EPHA5: variants seen among roughly 807,000 people sequenced by gnomAD.
EPHA5 encodes EPH receptor A5.
In EPHA5, 60 loss-of-function variants were observed where a neutral mutation model predicts 105.0. The ratio of observed to expected loss-of-function variants is 0.57; its 90% CI spans 0.46 to 0.71. EPHA5 has a LOEUF of 0.71. Ranked by LOEUF, EPHA5 falls within the 30% of genes least tolerant of loss-of-function variation. The pLI, the probability that EPHA5 is intolerant of heterozygous loss-of-function variation, is 0.00. For missense variants in EPHA5, 1,218 were observed against 1,274.7 expected (o/e 0.96, Z 0.68); for synonymous variants, 513 against 449.1 (o/e 1.14, Z -1.80).
intron 3 of EPHA5, among the ~76,000 whole-genome samples, chr4:65,539,173 G>A (rs993925637): frequency 4.6e-5 from 7 of 151,512 alleles, no homozygotes; most frequent in East Asian, 3.9e-4. Context: ...AAAAGTTTCC[G>A]AAAACAAACT....
At chr4:65,563,148 G>A (rs1476268217) in intron 3 of EPHA5, among the ~76,000 whole-genome samples, 1 of 151,102 alleles carries the variant, frequency 6.6e-6, no homozygotes, top group Admixed American at 6.6e-5. Flanking sequence ...TATTGTTTTA[G>A]CCATACATAG....
chr4:65,321,484 C>T lies in EPHA5; in HGVS notation c.*2630G>A. On this transcript the variant is annotated 3_prime_UTR_variant, in exon 17 of 17. Transcript: ENST00000613740. ...CAAATATTTTAGGAAGGCATTCTTTCCTCTTTTTTAGGGAGAGTACTTGTT... is the reference window on the plus strand; with the variant it reads ...CAAATATTTTAGGAAGGCATTCTTTTCTCTTTTTTAGGGAGAGTACTTGTT... The T allele has an allele frequency of 4.4e-6, 1 of 229,430 alleles. No individual in the cohort carries two copies. Among genetic ancestry groups the T allele is most frequent in the Non-Finnish European group, 8.7e-6 (1 of 115,602 alleles). The allele number at this position is 229,430 out of a possible 1,614,324, so 14.2% of individuals were successfully genotyped here. A position where few individuals can be genotyped will look rare whatever the true frequency, so the allele number is the denominator to read the frequency against.
At chr4:65,542,105 C>T (rs572199265) in intron 3 of EPHA5, among the ~76,000 whole-genome samples, 77 of 151,778 alleles carry the variant, frequency 5.1e-4, no homozygotes, top group South Asian at 1.9e-3. Flanking sequence ...GGGAAATTTA[C>T]AGCACTAAAA....
At position 65,323,820 on chromosome 4, in the gene EPHA5, T is replaced by A. The variant is rs1430847808; in HGVS notation, c.*294A>T. ...GTGCTATATAATTATATATTTCATGTACAAAATTTTGTAGAAGTAGTGGGA... is the reference window on the plus strand; with the variant it reads ...GTGCTATATAATTATATATTTCATGAACAAAATTTTGTAGAAGTAGTGGGA... On this transcript the variant is annotated 3_prime_UTR_variant, in exon 17 of 17. Transcript: ENST00000613740. The A allele has an allele frequency of 3.8e-6, 1 of 260,350 alleles. No homozygotes were observed. Among genetic ancestry groups the A allele is most frequent in the Non-Finnish European group, 7.4e-6 (1 of 135,418 alleles). 16.1% of individuals were successfully genotyped at this position (260,350 alleles called of 1,614,324 possible). A position where few individuals can be genotyped will look rare whatever the true frequency, so the allele number is the denominator to read the frequency against.
intron 3 of EPHA5, among the ~76,000 whole-genome samples, chr4:65,526,563 G>A (rs1028916064): frequency 6.6e-6 from 1 of 151,806 alleles, no homozygotes; most frequent in African/African-American, 2.4e-5. Context: ...ATATTAGGGT[G>A]TAAAATAAGA....
intron 2 of EPHA5, among the ~76,000 whole-genome samples, chr4:65,603,750 A>G (rs1213948513): frequency 6.6e-6 from 1 of 152,132 alleles, no homozygotes; most frequent in Admixed American, 6.6e-5. Context: ...ATATGTTATT[A>G]CCTAAAGCCT....
In EPHA5 at chr4:65,430,407, G is replaced by T. The variant is rs909427262; in HGVS notation, c.1403-9842C>A. The stretch of plus-strand genomic sequence containing the variant: ...TTAGAAAGAATTAAGTCCAAATTTT[G>T]CTTTGAGAATTGTTTAACAAATATT... On this transcript the variant is annotated intron_variant, in intron 5 of 16. Transcript: ENST00000613740. 3.3e-5 allele frequency among the ~76,000 whole-genome samples: 5 copies of T among 151,514 alleles called. No homozygotes were observed. In the South Asian group the frequency reaches 1.0e-3, roughly 31 times the overall value.
intron 5 of EPHA5, among the ~76,000 whole-genome samples, chr4:65,483,356 A>T (rs1177329165): frequency 2.0e-5 from 3 of 152,188 alleles, no homozygotes; most frequent in Non-Finnish European, 4.4e-5. Flanking sequence ...CATGACTTAC[A>T]ATCCTTTGGG....
intron 7 of EPHA5, among the ~76,000 whole-genome samples, chr4:65,411,719 T>C (rs1722927099): frequency 6.6e-6 from 1 of 152,160 alleles, no homozygotes; most frequent in South Asian, 2.1e-4. Context: ...ATAATTAATG[T>C]GGATTTCAGA....
chr4:65,583,644 G>A (rs1170791234), intron 3 of EPHA5, among the ~76,000 whole-genome samples: 2 of 151,700 alleles, frequency 1.3e-5, no homozygotes, highest in African/African-American at 4.8e-5. Flanking sequence ...TTGTACTCCA[G>A]GAAGATATTA....
chr4:65,362,215 C>T (rs1175119077), intron 11 of EPHA5, among the ~76,000 whole-genome samples: 1 of 146,434 alleles, frequency 6.8e-6, no homozygotes, highest in Non-Finnish European at 1.5e-5. Context: ...CACGATGACA[C>T]CACCCATAGG....
At chr4:65,366,262 G>T (rs188861234) in intron 9 of EPHA5, among the ~76,000 whole-genome samples, 1 of 151,816 alleles carries the variant, frequency 6.6e-6, no homozygotes, top group East Asian at 1.9e-4. Flanking sequence ...CACAAGAAAT[G>T]CATATGTGAT....
At chr4:65,503,029 A>G (rs190118700) in intron 3 of EPHA5, among the ~76,000 whole-genome samples, 3 of 151,708 alleles carry the variant, frequency 2.0e-5, no homozygotes, top group African/African-American at 4.8e-5. Context: ...AACCAAATAC[A>G]ACATATTCTC....
intron 3 of EPHA5, among the ~76,000 whole-genome samples, chr4:65,553,563 T>C (rs1156464326): frequency 1.3e-5 from 2 of 152,076 alleles, no homozygotes; most frequent in African/African-American, 4.8e-5. Flanking sequence ...TCTGATTTGT[T>C]TCCAGTCAGT....
chr4:65,531,712 A>G (rs1027806284), intron 3 of EPHA5, among the ~76,000 whole-genome samples: 3 of 151,382 alleles, frequency 2.0e-5, no homozygotes, highest in African/African-American at 4.9e-5. Flanking sequence ...ACCATGATCC[A>G]GGAATCTGAT....
intron 8 of EPHA5, among the ~76,000 whole-genome samples, chr4:65,397,481 C>A (rs1721356362): frequency 6.6e-6 from 1 of 152,110 alleles, no homozygotes; most frequent in South Asian, 2.1e-4. Context: ...GGATTATCTA[C>A]CCCCTCAAAA....
chr4:65,335,439 T>C (rs935912849), intron 15 of EPHA5, among the ~76,000 whole-genome samples: 2 of 152,028 alleles, frequency 1.3e-5, no homozygotes, highest in African/African-American at 2.4e-5. Context: ...TAACCAAAAA[T>C]CTGTGTGCAA....
Position 65,575,363 on chromosome 4 carries a change from T to A in EPHA5, c.910+26278A>T, listed in dbSNP as rs78564648. 2.3e-3 allele frequency among the ~76,000 whole-genome samples: 348 copies of A among 152,322 alleles called. 1 individual carries two copies. Among genetic ancestry groups the A allele is most frequent in the African/African-American group, 8.0e-3 (331 of 41,580 alleles). ...CCCACTCCTTAACAACTTTGTGGTA[T>A]AGGAATACTCTGTTCTCTCTACCTA... On this transcript the variant is annotated intron_variant, in intron 3 of 16. Coordinates refer to ENST00000613740, the MANE Select transcript of EPHA5 (RefSeq NM_001281766.3).
At chr4:65,438,666 G>T (rs1725721495) in intron 5 of EPHA5, among the ~76,000 whole-genome samples, 1 of 151,818 alleles carries the variant, frequency 6.6e-6, no homozygotes, top group Non-Finnish European at 1.5e-5. Flanking sequence ...TAAAAGTGTG[G>T]AAGTGAACAG....
Sources: gnomAD v4.1 joint callset for allele counts (sites outside exome capture counted in the v4.1 genomes callset) on GRCh38, gnomAD v4.1.1 for gene constraint, MANE v1.5 for transcripts, NCBI Gene and HGNC (gene_info 2026-07-23, HGNC 2026-07-21) for gene names.